Variants in KIZ observed in about 807,000 individuals in gnomAD.
KIZ encodes kizuna centrosomal protein, also known as centrosomal protein kizuna.
KIZ carries 68 observed loss-of-function variants against 79.6 expected under a neutral mutation model. That is an observed-to-expected ratio of 0.85 (90% CI 0.70 to 1.05). The LOEUF (loss-of-function observed/expected upper bound fraction) is 1.05, where lower values mean the gene tolerates loss of function less well. Among genes scored for constraint, KIZ ranks in the 50% least tolerant of loss-of-function variants. KIZ has a pLI of 0.00. For missense variants in KIZ, 797 were observed against 800.4 expected (o/e 1.00, Z 0.05); for synonymous variants, 280 against 281.8 (o/e 0.99, Z 0.06).
chr20:21,244,494 A>C, intron 12 of KIZ: 1 of 583,204 alleles, frequency 1.7e-6, no homozygotes, highest in Admixed American at 3.1e-5. Flanking sequence ...GCCATGGACC[A>C]CAGGGGCAGA....
chr20:21,178,943 C>A (rs1385769993), intron 6 of KIZ, among the ~76,000 whole-genome samples: 1 of 151,998 alleles, frequency 6.6e-6, no homozygotes, highest in African/African-American at 2.4e-5. Context: ...ATTTATGATT[C>A]TTTTAATGTA....
At chr20:21,163,574 T>C (rs1021072837) in intron 6 of KIZ, among the ~76,000 whole-genome samples, 5 of 152,246 alleles carry the variant, frequency 3.3e-5, no homozygotes, top group Non-Finnish European at 5.9e-5. Context: ...GAGAACTTTA[T>C]GTCTAATTAA....
intron 2 of KIZ, 42 bp downstream of exon 2, chr20:21,132,201 T>C (rs564795295): frequency 3.2e-6 from 3 of 928,274 alleles, no homozygotes; most frequent in East Asian, 5.3e-5. Flanking sequence ...CCAGGTTCCA[T>C]ATATTAATCA....
intron 6 of KIZ, chr20:21,166,134 T>C: frequency 1.1e-6 from 1 of 896,460 alleles, no homozygotes; most frequent in South Asian, 1.5e-5. Flanking sequence ...GCTTGGCTAA[T>C]TTTTGTATTT....
chr20:21,134,096 G>A (rs1343706449), intron 2 of KIZ, among the ~76,000 whole-genome samples: 1 of 152,164 alleles, frequency 6.6e-6, no homozygotes, highest in Non-Finnish European at 1.5e-5. Flanking sequence ...AGGCTGTGGC[G>A]GCTGTGGCGA....
intron 10 of KIZ, among the ~76,000 whole-genome samples, chr20:21,231,602 A>G (rs978942902): frequency 9.2e-5 from 14 of 152,156 alleles, no homozygotes; most frequent in Non-Finnish European, 1.8e-4. Flanking sequence ...GTTTGCTGTC[A>G]CTGTCATTGT....
At chr20:21,223,315 T>C in intron 9 of KIZ, among the ~76,000 whole-genome samples, 1 of 152,208 alleles carries the variant, frequency 6.6e-6, no homozygotes, top group Non-Finnish European at 1.5e-5. Flanking sequence ...CTGGAATTTG[T>C]TTTCAGGTTT....
chr20:21,218,334 A>G (rs562871496), intron 9 of KIZ: 42 of 152,294 alleles, frequency 2.8e-4, no homozygotes, highest in African/African-American at 8.7e-4. Context: ...TGTGCTCACA[A>G]TGGATGATGT....
intron 11 of KIZ, among the ~76,000 whole-genome samples, chr20:21,244,029 C>T (rs1480622400): frequency 6.6e-6 from 1 of 152,160 alleles, no homozygotes; most frequent in East Asian, 1.9e-4. Flanking sequence ...CGAGGGGACA[C>T]ACGCAGGACG....
rs1346213332 is a variant in KIZ at position 21,154,732 on chromosome 20, G to A, written c.406-7139G>A. Among the ~76,000 whole-genome samples the A allele has an allele frequency of 2.2e-4, 33 of 152,182 alleles. 1 individual carries two copies. Among genetic ancestry groups the A allele is most frequent in the Admixed American group, 2.0e-3 (31 of 15,276 alleles). On this transcript the variant is annotated intron_variant, in intron 4 of 12. Transcript: ENST00000619189. The stretch of plus-strand genomic sequence containing the variant: ...TGTGTCAACAATAATGTGAAACATG[G>A]CATTCTGTTTTCAGCTTCCCTGGCT...
chr20:21,210,789 G>A lies in KIZ; in HGVS notation c.1447-3746G>A, dbSNP rs543980400. ...TTTTTTTTTTTAGGGGCAGCAATTT[G>A]AGAGATGAAAATGACATCCAATTTT... On this transcript the variant is annotated intron_variant, in intron 7 of 12. Coordinates refer to ENST00000619189, the MANE Select transcript of KIZ (RefSeq NM_018474.6). Among the ~76,000 whole-genome samples, 26 of 151,376 alleles carry A rather than the reference G, an allele frequency of 1.7e-4. No individual in the cohort carries two copies. In the East Asian group the frequency reaches 4.3e-3, roughly 25 times the overall value.
At chr20:21,242,528 T>G (rs1600634841) in intron 11 of KIZ, among the ~76,000 whole-genome samples, 2 of 115,170 alleles carry the variant, frequency 1.7e-5, no homozygotes, top group African/African-American at 3.5e-5. Context: ...AGGGAACTGG[T>G]GAGGACTGCA....
intron 7 of KIZ, among the ~76,000 whole-genome samples, chr20:21,210,842 A>G (rs2036037591): frequency 6.6e-6 from 1 of 151,988 alleles, no homozygotes; most frequent in East Asian, 1.9e-4. Context: ...TTTTATTACA[A>G]TTGAGGTCAA....
At chr20:21,127,133 C>T (rs1382778594) in intron 1 of KIZ, among the ~76,000 whole-genome samples, 4 of 152,204 alleles carry the variant, frequency 2.6e-5, no homozygotes, top group Non-Finnish European at 4.4e-5. Flanking sequence ...TTACATTTAT[C>T]TTACGCTAGA....
intron 9 of KIZ, among the ~76,000 whole-genome samples, chr20:21,223,185 A>G (rs2036555886): frequency 6.6e-6 from 1 of 152,208 alleles, no homozygotes; most frequent in Admixed American, 6.5e-5. Context: ...TTGAAAAGTT[A>G]AAGGTTTCCT....
In KIZ at chr20:21,246,311, A is replaced by G. The variant is rs193259862; in HGVS notation, c.1925-168A>G. 3.2e-3 allele frequency: 1,953 copies of G among 615,462 alleles called. 6 individuals are homozygous for G. Among genetic ancestry groups the G allele is most frequent in the Non-Finnish European group, 4.2e-3 (1,466 of 345,506 alleles). The allele number at this position is 615,462 out of a possible 1,614,324, so 38.1% of individuals were successfully genotyped here. A position where few individuals can be genotyped will look rare whatever the true frequency, so the allele number is the denominator to read the frequency against. ...ACACTTTGCAATGTGTAATTTGTGC[A>G]GTATGACATGCATTTGGGTGTGTCT... On this transcript the variant is annotated intron_variant, in intron 12 of 12. Transcript: ENST00000619189.
rs112003553 is a variant in KIZ at position 21,236,996 on chromosome 20, T to TA, written c.1880+4185dup. Reference sequence around the variant, plus strand: ...CTGGGCAATGGAGCAAGACTCTGTTTAAAAAAAAAAAAAAAAAAATGATGG... The same window carrying TA: ...CTGGGCAATGGAGCAAGACTCTGTTTAAAAAAAAAAAAAAAAAAAATGATGG... On this transcript the variant is annotated intron_variant, in intron 11 of 12. Coordinates refer to ENST00000619189, the MANE Select transcript of KIZ (RefSeq NM_018474.6). 8.3e-3 allele frequency among the ~76,000 whole-genome samples: 1,081 copies of TA among 130,066 alleles called. 8 individuals carry two copies. Among genetic ancestry groups the TA allele is most frequent in the South Asian group, 0.021 (84 of 4,010 alleles). The allele number at this position is 130,066 out of a possible 152,430, so 85.3% of individuals were successfully genotyped here.
intron 5 of KIZ, 66 bp from the exon 6 acceptor site, chr20:21,162,784 G>A (rs2033738932): frequency 1.6e-6 from 2 of 1,265,550 alleles, no homozygotes; most frequent in Non-Finnish European, 2.2e-6. Context: ...GAGTAATTCT[G>A]CTGTGTGTTA....
At chr20:21,165,861 C>G (rs2033905273) in intron 6 of KIZ, among the ~76,000 whole-genome samples, 2 of 152,266 alleles carry the variant, frequency 1.3e-5, no homozygotes, top group Admixed American at 1.3e-4. Flanking sequence ...GCCAGTGGCA[C>G]AACCTCAGCT....
Sources: allele counts gnomAD v4.1 joint callset (sites outside exome capture counted in the v4.1 genomes callset), GRCh38; gene constraint gnomAD v4.1.1; transcripts MANE v1.5; gene names NCBI Gene and HGNC (gene_info 2026-07-23, HGNC 2026-07-21).